MNAT1: variants seen among roughly 807,000 people sequenced by gnomAD.
MNAT1 encodes CDK-activating kinase assembly factor MAT1.
MNAT1 carries 43 observed loss-of-function variants against 42.0 expected under a neutral mutation model. That is an observed-to-expected ratio of 1.02 (90% CI 0.80 to 1.32). MNAT1 has a LOEUF of 1.32. Among genes scored for constraint, MNAT1 ranks in the 40% most tolerant of loss-of-function variants. MNAT1 has a pLI of 0.00. For missense variants in MNAT1, 306 were observed against 350.4 expected (o/e 0.87, Z 1.01); for synonymous variants, 118 against 120.0 (o/e 0.98, Z 0.11).
chr14:60,851,657 G>A (rs1020705043), intron 6 of MNAT1, among the ~76,000 whole-genome samples: 1 of 152,090 alleles, frequency 6.6e-6, no homozygotes, highest in Non-Finnish European at 1.5e-5. Flanking sequence ...TAGGTTTTAA[G>A]CTCTGCATGC....
intron 6 of MNAT1, among the ~76,000 whole-genome samples, chr14:60,833,429 A>G (rs941760493): frequency 6.6e-6 from 1 of 152,168 alleles, no homozygotes; most frequent in African/African-American, 2.4e-5. Context: ...GCATCTATTG[A>G]GAAAATCATG....
At position 60,762,145 on chromosome 14, in the gene MNAT1, CTTTGA is replaced by C. The variant is rs375136645; in HGVS notation, c.89+27200_89+27204del. Among the ~76,000 whole-genome samples, 136 of 152,220 alleles carry C rather than the reference CTTTGA, an allele frequency of 8.9e-4. 1 individual carries two copies. Among genetic ancestry groups the C allele is most frequent in the African/African-American group, 3.0e-3 (126 of 41,530 alleles). ...GCTCTTTTAACACAGCAAATTGCTG[CTTTGA>C]TTTGAGTCAGTGACTTGAAGTTTGG... On this transcript the variant is annotated intron_variant, in intron 1 of 7. Transcript: ENST00000261245.
At chr14:60,743,742 C>A (rs564405046) in intron 1 of MNAT1, among the ~76,000 whole-genome samples, 6 of 152,134 alleles carry the variant, frequency 3.9e-5, no homozygotes, top group African/African-American at 1.4e-4. Context: ...CAAAAGATAT[C>A]ATTTCATTGT....
At chr14:60,832,561 T>C (rs1374326629) in intron 6 of MNAT1, among the ~76,000 whole-genome samples, 1 of 152,210 alleles carries the variant, frequency 6.6e-6, no homozygotes, top group Non-Finnish European at 1.5e-5. Flanking sequence ...ACCAGTACCA[T>C]GTTGTTTTAG....
At chr14:60,809,436 C>T (rs1024877946) in intron 4 of MNAT1, among the ~76,000 whole-genome samples, 15 of 152,046 alleles carry the variant, frequency 9.9e-5, no homozygotes, top group African/African-American at 3.6e-4. Context: ...ATCAGTATGT[C>T]ATTAATGTTA....
chr14:60,735,776 G>C (rs939817464), intron 1 of MNAT1, among the ~76,000 whole-genome samples: 3 of 152,230 alleles, frequency 2.0e-5, no homozygotes, highest in African/African-American at 7.2e-5. Context: ...TGGTCAAAGT[G>C]TTTCTTGCCA....
intron 6 of MNAT1, among the ~76,000 whole-genome samples, chr14:60,869,038 ATATTT>A (rs1371383941): frequency 2.2e-5 from 2 of 91,976 alleles, no homozygotes; most frequent in Non-Finnish European, 5.1e-5. Context: ...ATATATATAT[ATATTT>A]TTTTTTTTTT....
intron 7 of MNAT1, among the ~76,000 whole-genome samples, chr14:60,888,282 G>A (rs553985859): frequency 4.0e-4 from 61 of 151,756 alleles, no homozygotes; most frequent in African/African-American, 1.5e-3. Flanking sequence ...TGGGATGCAA[G>A]GCTGGTTCAA....
At chr14:60,960,044 C>A (rs552464606) in intron 7 of MNAT1, among the ~76,000 whole-genome samples, 1 of 151,192 alleles carries the variant, frequency 6.6e-6, no homozygotes, top group Non-Finnish European at 1.5e-5. Context: ...CAAGTTTATC[C>A]ATTCTCTTGT....
At chr14:60,929,896 A>T (rs1027446971) in intron 7 of MNAT1, among the ~76,000 whole-genome samples, 1 of 152,134 alleles carries the variant, frequency 6.6e-6, no homozygotes, top group Admixed American at 6.5e-5. Flanking sequence ...GCCATGAAAC[A>T]TTCTGACAGG....
rs79585677 is a variant in MNAT1, at chr14:60,864,480, G to A, written c.688-15234G>A. 1.6e-3 allele frequency among the ~76,000 whole-genome samples: 247 copies of A among 152,026 alleles called. No individual in the cohort carries two copies. In the East Asian group the frequency reaches 0.028, roughly 17 times the overall value. On this transcript the variant is annotated intron_variant, in intron 6 of 7. Transcript: ENST00000261245. Reference sequence around the variant, plus strand: ...GGTTTAAAATCTGAGTAGGTTACTTGGTCTTGGAGAGCTTCAGTTTCTTTT... The same window carrying A: ...GGTTTAAAATCTGAGTAGGTTACTTAGTCTTGGAGAGCTTCAGTTTCTTTT...
At chr14:60,913,315 C>G (rs1311079178) in intron 7 of MNAT1, among the ~76,000 whole-genome samples, 2 of 152,132 alleles carry the variant, frequency 1.3e-5, no homozygotes, top group African/African-American at 2.4e-5. Context: ...CTGAAGCCTT[C>G]CTCTCTCAAC....
At chr14:60,744,338 G>A (rs952354275) in intron 1 of MNAT1, among the ~76,000 whole-genome samples, 1 of 151,994 alleles carries the variant, frequency 6.6e-6, no homozygotes, top group Non-Finnish European at 1.5e-5. Context: ...TGCCCTGTTG[G>A]CCAGGCTGGT....
In MNAT1 at chr14:60,758,960, C is replaced by T. The variant is rs145194940; in HGVS notation, c.89+24009C>T. ...ATTGATGTTTTAGGAAGACGCACCA[C>T]GTTTTCCTCTGGCTTTATGTAATCC... On this transcript the variant is annotated intron_variant, in intron 1 of 7. Coordinates refer to ENST00000261245, the MANE Select transcript of MNAT1 (RefSeq NM_002431.4). 1.7e-3 allele frequency among the ~76,000 whole-genome samples: 266 copies of T among 152,270 alleles called. No homozygotes were observed. In the East Asian group the frequency reaches 0.028, roughly 16 times the overall value.
intron 6 of MNAT1, among the ~76,000 whole-genome samples, chr14:60,847,772 T>C (rs1484532331): frequency 2.6e-5 from 4 of 152,222 alleles, no homozygotes; most frequent in Non-Finnish European, 4.4e-5. Flanking sequence ...CATATTGACT[T>C]ATTACAATTG....
chr14:60,851,450 T>C (rs1489756139), intron 6 of MNAT1, among the ~76,000 whole-genome samples: 2 of 152,230 alleles, frequency 1.3e-5, no homozygotes, highest in Non-Finnish European at 2.9e-5. Flanking sequence ...AGCCACCATT[T>C]TTCCAACAGC....
intron 6 of MNAT1, among the ~76,000 whole-genome samples, chr14:60,827,860 C>G (rs2139378287): frequency 6.6e-6 from 1 of 152,178 alleles, no homozygotes; most frequent in African/African-American, 2.4e-5. Context: ...TTTTAAATGT[C>G]TCCAGTTATG....
intron 1 of MNAT1, among the ~76,000 whole-genome samples, chr14:60,749,900 C>T (rs1015002480): frequency 2.0e-5 from 3 of 152,190 alleles, no homozygotes; most frequent in Non-Finnish European, 4.4e-5. Flanking sequence ...CAGTAATTTA[C>T]TAGTTGTTGG....
chr14:60,795,968 C>T (rs2032004902), intron 1 of MNAT1, among the ~76,000 whole-genome samples: 1 of 152,134 alleles, frequency 6.6e-6, no homozygotes, highest in East Asian at 1.9e-4. Flanking sequence ...TAGTCTCTCA[C>T]TCAATTTGTT....
Sources: gnomAD v4.1 joint callset for allele counts (sites outside exome capture counted in the v4.1 genomes callset) on GRCh38, gnomAD v4.1.1 for gene constraint, MANE v1.5 for transcripts, NCBI Gene and HGNC (gene_info 2026-07-23, HGNC 2026-07-21) for gene names.